Variants in PRUNE2 observed in about 807,000 individuals in gnomAD.
PRUNE2 encodes prune homolog 2 with BCH domain, also known as protein prune homolog 2.
A neutral mutation model predicts 252.0 loss-of-function variants in PRUNE2; 164 were observed. That is an observed-to-expected ratio of 0.65 (90% CI 0.57 to 0.74). The LOEUF is 0.74. Among genes scored for constraint, PRUNE2 ranks in the 30% least tolerant of loss-of-function variants. PRUNE2 has a pLI of 0.00. For missense variants in PRUNE2, 3,495 were observed against 3,711.0 expected (o/e 0.94, Z 1.51); for synonymous variants, 1,292 against 1,350.2 (o/e 0.96, Z 0.94).
In PRUNE2 at chr9:76,845,322, C is replaced by T. The variant is rs528342140; in HGVS notation, c.508+1193G>A. On this transcript the variant is annotated intron_variant, in intron 4 of 18. Coordinates refer to ENST00000376718, the MANE Select transcript of PRUNE2 (RefSeq NM_015225.3). ...ACAATTAACCAAACTTCTTAGTTTA[C>T]AAGATATTTAAACAAAATATTCTCT... Among the ~76,000 whole-genome samples the T allele has an allele frequency of 1.9e-4, 29 of 152,260 alleles. No individual in the cohort carries two copies. The Middle Eastern group carries it at 0.014, about 71-fold the overall frequency.
At chr9:76,880,945 G>C (rs2061739088) in intron 1 of PRUNE2, among the ~76,000 whole-genome samples, 1 of 151,390 alleles carries the variant, frequency 6.6e-6, no homozygotes, top group South Asian at 2.1e-4. Flanking sequence ...AGAAGCTCTG[G>C]GACATCCTTG....
Position 76,866,485 on chromosome 9 carries a change from G to A in PRUNE2, c.37-12277C>T, listed in dbSNP as rs1182169274. ...CAAAATGTGGGAAATATTTTGTAAA[G>A]TTCAAATAACTTCCTACTGCCTATT... is the stretch of plus-strand genomic sequence containing the variant. On this transcript the variant is annotated intron_variant, in intron 1 of 18. Coordinates refer to ENST00000376718, the MANE Select transcript of PRUNE2 (RefSeq NM_015225.3). Among the ~76,000 whole-genome samples the A allele has an allele frequency of 2.0e-5, 3 of 152,314 alleles. No homozygotes were observed. In the East Asian group the frequency reaches 5.8e-4, roughly 29 times the overall value.
chr9:76,699,086 G>A (rs984167205), intron 9 of PRUNE2, among the ~76,000 whole-genome samples: 7 of 126,438 alleles, frequency 5.5e-5, no homozygotes, highest in African/African-American at 2.1e-4. Context: ...ATCTCCAAAA[G>A]ATTCATCAGT....
At chr9:76,669,566 C>A (rs2040904748) in intron 9 of PRUNE2, among the ~76,000 whole-genome samples, 1 of 152,162 alleles carries the variant, frequency 6.6e-6, no homozygotes, top group Admixed American at 6.5e-5. Context: ...GTGATCCACC[C>A]ACGTTAGCCT....
chr9:76,741,635 TAC>T (rs1285367657), intron 6 of PRUNE2, among the ~76,000 whole-genome samples: 2 of 152,180 alleles, frequency 1.3e-5, no homozygotes, highest in African/African-American at 4.8e-5. Flanking sequence ...ACTTCCTGCT[TAC>T]CATCAAACGC....
intron 6 of PRUNE2, among the ~76,000 whole-genome samples, chr9:76,776,997 C>G (rs1418244671): frequency 2.0e-5 from 3 of 151,280 alleles, no homozygotes; most frequent in African/African-American, 7.3e-5. Context: ...CACTCCTAAA[C>G]TGTTCCTCTT....
At position 76,805,663 on chromosome 9, in the gene PRUNE2, G is replaced by A. The variant is rs138257767; in HGVS notation, c.756+17969C>T. Among the ~76,000 whole-genome samples the A allele has an allele frequency of 3.7e-3, 560 of 152,190 alleles. 1 individual carries two copies. The highest frequency in any genetic ancestry group is 0.013 in the African/African-American group (525 of 41,512). On this transcript the variant is annotated intron_variant, in intron 6 of 18. Coordinates refer to ENST00000376718, the MANE Select transcript of PRUNE2 (RefSeq NM_015225.3). ...TGTACAGCAGTAGCTAAAGAAACAC[G>A]GGCTTTCCTGTTTCTGACACCAGAA...
At chr9:76,885,934 C>T (rs991014681) in intron 1 of PRUNE2, among the ~76,000 whole-genome samples, 4 of 151,990 alleles carry the variant, frequency 2.6e-5, no homozygotes, top group African/African-American at 9.7e-5. Flanking sequence ...AATCCCAGCA[C>T]TTTGGGAGGC....
chr9:76,850,498 TA>T lies in PRUNE2; in HGVS notation c.308del (p.Leu103TyrfsTer3). 1.2e-6 allele frequency: 2 copies of T among 1,614,176 alleles called. No individual in the cohort carries two copies. Among genetic ancestry groups the T allele is most frequent in the Non-Finnish European group, 1.7e-6 (2 of 1,179,992 alleles). ...NLHQLNDEGK[L>X]SITLVGSSVL... ...CACTGCTGCCAACAAGTGTTATCGA[TA>T]ACTTCCCTTCATCATTTAGCTGATG... is the stretch of plus-strand genomic sequence containing the variant. On this transcript the variant is annotated frameshift_variant, in exon 3 of 19. Coordinates refer to ENST00000376718, the MANE Select transcript of PRUNE2 (RefSeq NM_015225.3). LOFTEE classifies it high-confidence loss of function.
rs769165931 is a variant in PRUNE2 at position 76,708,680 on chromosome 9, G to A, written c.3594C>T (p.Asp1198=). The change falls in exon 8 of 19, where the codon GAC becomes GAT. Residue 1198 remains aspartate (D), a synonymous_variant. Transcript: ENST00000376718. ...ELPASDEHTK[D]SAPSEHHTLN... is the part of the protein sequence containing the mutation. ...ATGTGTGATGTTCACTGGGAGCACT[G>A]TCCTTGGTATGCTCATCAGAGGCAG... 1 of 1,613,954 alleles carries A rather than the reference G, an allele frequency of 6.2e-7. No individual in the cohort carries two copies.
intron 6 of PRUNE2, among the ~76,000 whole-genome samples, chr9:76,744,520 A>G (rs1212735584): frequency 6.6e-6 from 1 of 152,166 alleles, no homozygotes; most frequent in African/African-American, 2.4e-5. Context: ...TAGTATACAC[A>G]GCCTTACATC....
intron 6 of PRUNE2, among the ~76,000 whole-genome samples, chr9:76,789,117 C>T (rs10869818): frequency 0.25 from 38,026 of 152,062 alleles, 4,886 homozygotes; most frequent in Middle Eastern, 0.34. Flanking sequence ...AAGTACTTTG[C>T]ATGCACAGCT....
chr9:76,794,860 TAAGCA>T (rs2055933264), intron 6 of PRUNE2, among the ~76,000 whole-genome samples: 1 of 152,202 alleles, frequency 6.6e-6, no homozygotes, highest in Admixed American at 6.5e-5. Flanking sequence ...CATTAAGTTT[TAAGCA>T]AAGTGTCCAG....
At chr9:76,685,950 G>T (rs2044037106) in intron 9 of PRUNE2, among the ~76,000 whole-genome samples, 1 of 152,116 alleles carries the variant, frequency 6.6e-6, no homozygotes, top group South Asian at 2.1e-4. Context: ...CCTAAGTTAG[G>T]CCCCTTGACA....
At position 76,710,910 on chromosome 9, in the gene PRUNE2, C is replaced by G; in HGVS notation, c.1364G>C (p.Gly455Ala). ...GAGAAGGGTGTGGTGAGGCCCAGCACCTTCTCCCACGGGGCTGTCGTCACT... is the reference window on the plus strand; with the variant it reads ...GAGAAGGGTGTGGTGAGGCCCAGCAGCTTCTCCCACGGGGCTGTCGTCACT... ...FLSDDSPVGE[G>A]AGPHHTLLPG... The change falls in exon 8 of 19, where the codon GGT becomes GCT. Residue 455 changes from glycine (G) to alanine (A), a missense_variant. Physicochemically the swap from Gly to Ala is moderately conservative, Grantham distance 60. Transcript: ENST00000376718. 6 of 1,558,850 alleles carry G rather than the reference C, an allele frequency of 3.8e-6. No homozygotes were observed. In the South Asian group the frequency reaches 7.5e-5, roughly 19 times the overall value.
intron 6 of PRUNE2, among the ~76,000 whole-genome samples, chr9:76,792,240 TATAAAGGGGAGTTCCCTGCACATGCCCTC>T (rs2055621694): frequency 1.3e-5 from 2 of 152,174 alleles, no homozygotes; most frequent in African/African-American, 4.8e-5. Context: ...CTGATGGTTT[TATAAAGGGGAGTTCCCTGCACATGCCCTC>T]TTGCCTGTCA....
At chr9:76,838,397 C>T (rs1210412137) in intron 4 of PRUNE2, among the ~76,000 whole-genome samples, 5 of 151,930 alleles carry the variant, frequency 3.3e-5, no homozygotes, top group African/African-American at 1.2e-4. Flanking sequence ...GTAATCCCAA[C>T]ACTTTGGGGG....
At chr9:76,671,540 G>A (rs1563988418) in intron 9 of PRUNE2, among the ~76,000 whole-genome samples, 1 of 152,092 alleles carries the variant, frequency 6.6e-6, no homozygotes, top group African/African-American at 2.4e-5. Flanking sequence ...TCAGATTCAG[G>A]AAATACAGAG....
chr9:76,692,352 A>G (rs2044857971), intron 9 of PRUNE2: 1 of 528,322 alleles, frequency 1.9e-6, no homozygotes, highest in East Asian at 3.2e-5. Flanking sequence ...AATGCTCTTT[A>G]ATTTTTATGT....
Sources: gnomAD v4.1 joint callset for allele counts (sites outside exome capture counted in the v4.1 genomes callset) on GRCh38, gnomAD v4.1.1 for gene constraint, MANE v1.5 for transcripts, NCBI Gene and HGNC (gene_info 2026-07-23, HGNC 2026-07-21) for gene names.